PHRF1: variants seen among roughly 807,000 people sequenced by gnomAD.
The protein encoded by PHRF1 is PHD and RING finger domain-containing protein 1.
Under a neutral mutation model 128.9 loss-of-function variants are expected in PHRF1, and 53 were observed. The observed-to-expected ratio is 0.41, with a 90% CI of 0.33 to 0.52. The LOEUF is 0.52. PHRF1 is among the 20% of genes least tolerant of loss of function. The probability of loss-of-function intolerance (pLI) is 0.21; values close to 1 mark genes in which losing one functional copy is unlikely to be tolerated. For missense variants in PHRF1, 2,503 were observed against 2,284.5 expected, an observed-to-expected ratio of 1.10 and a Z score of -1.95; for synonymous variants, 1,178 against 980.6, an observed-to-expected ratio of 1.20 and a Z score of -3.76.
intron 3 of PHRF1, among the ~76,000 whole-genome samples, chr11:582,980 G>C (rs1365982550): frequency 1.3e-5 from 2 of 151,322 alleles, no homozygotes; most frequent in Non-Finnish European, 2.9e-5. Context: ...GTTGCAGTGA[G>C]CCGAGATTGT....
At chr11:579,410 G>A (rs888967186) in intron 1 of PHRF1, among the ~76,000 whole-genome samples, 1 of 152,264 alleles carries the variant, frequency 6.6e-6, no homozygotes, top group East Asian at 1.9e-4. Context: ...CAGGGTAGGT[G>A]TTGGAGCAGG....
At chr11:578,377 C>T (rs141452520) in intron 1 of PHRF1, among the ~76,000 whole-genome samples, 1 of 152,316 alleles carries the variant, frequency 6.6e-6, no homozygotes, top group East Asian at 1.9e-4. Context: ...GTGGAGTCTT[C>T]CCTCACCAGC....
At chr11:606,877 C>T in intron 13 of PHRF1, 189 bp from the exon 14 acceptor site, 8 of 1,052,394 alleles carry the variant, frequency 7.6e-6, no homozygotes, top group Non-Finnish European at 1.1e-5. Flanking sequence ...AGGCACTGTA[C>T]TTTGTCATCC....
chr11:579,930 G>A (rs1280557977), intron 1 of PHRF1, among the ~76,000 whole-genome samples: 1 of 152,204 alleles, frequency 6.6e-6, no homozygotes, highest in Non-Finnish European at 1.5e-5. Flanking sequence ...TTGTCCAGGG[G>A]TTTCCAGACA....
At chr11:589,990 G>A (rs1049291217) in intron 4 of PHRF1, among the ~76,000 whole-genome samples, 7 of 151,432 alleles carry the variant, frequency 4.6e-5, no homozygotes, top group African/African-American at 7.3e-5. Context: ...GGCACGGAGC[G>A]TGTGGGGCTC....
chr11:583,020 C>T (rs976431574), intron 3 of PHRF1, among the ~76,000 whole-genome samples: 1 of 149,700 alleles, frequency 6.7e-6, no homozygotes, highest in Non-Finnish European at 1.5e-5. Flanking sequence ...AGCGACAGAG[C>T]GAGACTCCAT....
At chr11:581,168 C>T (rs1442048674) in intron 1 of PHRF1, among the ~76,000 whole-genome samples, 1 of 151,880 alleles carries the variant, frequency 6.6e-6, no homozygotes, top group African/African-American at 2.4e-5. Flanking sequence ...GGTACAGTGG[C>T]CAGCTAGGAT....
chr11:576,728 C>T (rs1358557361), intron 1 of PHRF1, 136 bp downstream of exon 1: 4 of 140,228 alleles, frequency 2.9e-5, no homozygotes, highest in Non-Finnish European at 6.2e-5. Context: ...GCCGGGAGGG[C>T]GGGCGGGCGC....
At chr11:598,306 T>C in intron 8 of PHRF1, 67 bp from the exon 9 acceptor site, 1 of 1,547,000 alleles carries the variant, frequency 6.5e-7, no homozygotes, top group Non-Finnish European at 8.7e-7. Flanking sequence ...CTGGGCTCCA[T>C]TTGGGGTCTG....
chr11:599,076 C>T (rs1855475143), intron 9 of PHRF1, among the ~76,000 whole-genome samples: 1 of 152,156 alleles, frequency 6.6e-6, no homozygotes, highest in African/African-American at 2.4e-5. Context: ...TGTCAGACAC[C>T]CCCGGCGCTG....
chr11:582,855 A>C (rs1326428028), intron 3 of PHRF1, among the ~76,000 whole-genome samples: 1 of 151,106 alleles, frequency 6.6e-6, no homozygotes, highest in Non-Finnish European at 1.5e-5. Flanking sequence ...CAGCATAGTG[A>C]AACCCCCTCT....
intron 6 of PHRF1, among the ~76,000 whole-genome samples, chr11:595,325 T>C (rs922587053): frequency 2.2e-4 from 34 of 152,190 alleles, no homozygotes; most frequent in African/African-American, 7.7e-4. Context: ...AAAAAAACAC[T>C]ATCTGTAGAT....
intron 3 of PHRF1, among the ~76,000 whole-genome samples, chr11:582,776 A>G (rs958805478): frequency 1.3e-4 from 20 of 151,516 alleles, no homozygotes; most frequent in Admixed American, 1.1e-3. Context: ...CGCCCACCTC[A>G]GCCTCCCAAA....
In PHRF1 at chr11:609,630, C is replaced by T. The variant is rs750995713; in HGVS notation, c.4174C>T (p.Pro1392Ser). 23 of 1,580,578 alleles carry T rather than the reference C, an allele frequency of 1.5e-5. 1 individual carries two copies. The highest frequency in any genetic ancestry group is 1.9e-5 in the Non-Finnish European group (22 of 1,165,348). The change falls in exon 14 of 18, where the codon CCC becomes TCC. Residue 1392 changes from proline (P) to serine (S), a missense_variant. Pro to Ser is a moderately conservative substitution (Grantham distance 74). Transcript: ENST00000264555. ...ARPEEVVSQT[P>S]LLRSRALVKR... ...GCCTGAGGAGGTGGTTTCGCAGACCCCCCTGCTGCGGTCCAGAGCCCTGGT... is the reference window on the plus strand; with the variant it reads ...GCCTGAGGAGGTGGTTTCGCAGACCTCCCTGCTGCGGTCCAGAGCCCTGGT...
rs202005033 is a variant in PHRF1, at chr11:607,687, A to C, written c.2231A>C (p.His744Pro). ...AGGGTGCCCCGGGAGCCCGGGGTGCACACGGGCAGCTCCCGGCCCCCAGCC... is the reference window on the plus strand; with the variant it reads ...AGGGTGCCCCGGGAGCCCGGGGTGCCCACGGGCAGCTCCCGGCCCCCAGCC... Reference protein sequence around the residue: ...SSRVPREPGVHTGSSRPPAPS... With the variant: ...SSRVPREPGVPTGSSRPPAPS... Residue 744 changes from histidine (H) to proline (P), a missense_variant, in exon 14 of 18, where the codon CAC becomes CCC. By Grantham distance (77) the His-to-Pro change is moderately conservative (BLOSUM62 -2). Coordinates refer to ENST00000264555, the MANE Select transcript of PHRF1 (RefSeq NM_001286581.2). The C allele has an allele frequency of 6.2e-7, 1 of 1,610,266 alleles. No individual in the cohort carries two copies. The highest frequency in any genetic ancestry group is 8.5e-7 in the Non-Finnish European group (1 of 1,178,324).
Position 598,452 on chromosome 11 carries a change from A to G in PHRF1, c.974A>G (p.Tyr325Cys). The G allele has an allele frequency of 6.2e-7, 1 of 1,611,206 alleles. No homozygotes were observed. Among genetic ancestry groups the G allele is most frequent in the South Asian group, 1.1e-5 (1 of 91,034 alleles). The change falls in exon 9 of 18, where the codon TAT becomes TGT. Residue 325 changes from tyrosine (Y) to cysteine (C), a missense_variant. Physicochemically the swap from Tyr to Cys is radical, Grantham distance 194. Coordinates refer to ENST00000264555, the MANE Select transcript of PHRF1 (RefSeq NM_001286581.2). The part of the protein sequence containing the change: ...AVATGLSTAV[Y>C]QRPLTPRTPA... ...GCGACTGGCCTGAGCACTGCCGTGT[A>G]TCAGCGCCCCCTGACGCCGCGCACT...
chr11:590,676 C>T (rs958492995), intron 4 of PHRF1, among the ~76,000 whole-genome samples: 1 of 152,128 alleles, frequency 6.6e-6, no homozygotes, highest in East Asian at 1.9e-4. Flanking sequence ...AAATTTGCAA[C>T]GTATACCTGA....
At chr11:600,529 C>G (rs985090899) in intron 9 of PHRF1, among the ~76,000 whole-genome samples, 1 of 143,052 alleles carries the variant, frequency 7.0e-6, no homozygotes, top group Non-Finnish European at 1.5e-5. Context: ...TGGTTTATTT[C>G]TCCGTTTAAA....
At chr11:596,145 C>T (rs1372822220) in intron 6 of PHRF1, among the ~76,000 whole-genome samples, 1 of 152,194 alleles carries the variant, frequency 6.6e-6, no homozygotes, top group African/African-American at 2.4e-5. Flanking sequence ...TCAGGGAAAT[C>T]ATCAGCTTGA....
Sources: allele counts gnomAD v4.1 joint callset (sites outside exome capture counted in the v4.1 genomes callset), GRCh38; gene constraint gnomAD v4.1.1; transcripts MANE v1.5; gene names NCBI Gene and HGNC (gene_info 2026-07-23, HGNC 2026-07-21).